Variants in TJP1 observed in about 807,000 individuals in gnomAD.
The protein encoded by TJP1 is tight junction protein 1.
TJP1 carries 43 observed loss-of-function variants against 194.2 expected under a neutral mutation model. The observed-to-expected ratio is 0.22, with a 90% CI of 0.17 to 0.29. TJP1 has a LOEUF of 0.29. Ranked by LOEUF, TJP1 falls within the 10% of genes least tolerant of loss-of-function variation. The pLI, the probability that TJP1 is intolerant of heterozygous loss-of-function variation, is 1.00. For missense variants in TJP1, 1,971 were observed against 2,185.7 expected (o/e 0.90, Z 1.96); for synonymous variants, 801 against 779.0 (o/e 1.03, Z -0.47).
intron 1 of TJP1, among the ~76,000 whole-genome samples, chr15:29,809,677 T>A (rs140301586): frequency 3.7e-4 from 56 of 152,232 alleles, no homozygotes; most frequent in African/African-American, 1.3e-3. Flanking sequence ...AAACCCCGTC[T>A]CTACTAAAAA....
At chr15:29,898,740 ACCT>A (rs751939582) in intron 2 of TJP1, among the ~76,000 whole-genome samples, 38 of 152,216 alleles carry the variant, frequency 2.5e-4, no homozygotes, top group Non-Finnish European at 5.1e-4. Flanking sequence ...CGGATGCTCT[ACCT>A]GTTAGGTATC....
intron 20 of TJP1, 143 bp from the exon 21 acceptor site, chr15:29,719,281 G>A (rs941805963): frequency 9.3e-7 from 1 of 1,081,066 alleles, no homozygotes; most frequent in Non-Finnish European, 1.3e-6. Context: ...GACAAGATTA[G>A]TGGAAAAAGC....
At position 29,761,699 on chromosome 15, in the gene TJP1, T is replaced by C; in HGVS notation, c.764A>G (p.Lys255Arg). The C allele has an allele frequency of 6.2e-7, 1 of 1,609,698 alleles. No homozygotes were observed. The highest frequency in any genetic ancestry group is 2.2e-5 in the East Asian group (1 of 44,754). The change falls in exon 7 of 28, where the codon AAA becomes AGA. Residue 255 changes from lysine (K) to arginine (R), a missense_variant. This residue lies in a region of TJP1 where 245 missense variants were observed against 336.6 expected (regional missense o/e 0.73). Transcript: ENST00000614355. ...ATCTCTTTGAACTACCATTTTTAAT[T>C]TGCCTTTAGACCTTTCTATCAATGT... is the stretch of plus-strand genomic sequence containing the variant. Reference protein sequence around the residue: ...AKTLIERSKGKLKMVVQRDER... With the variant: ...AKTLIERSKGRLKMVVQRDER...
chr15:29,714,955 G>C (rs1566875567), intron 23 of TJP1, among the ~76,000 whole-genome samples: 2 of 152,198 alleles, frequency 1.3e-5, no homozygotes, highest in Non-Finnish European at 1.5e-5. Context: ...GTGTTTAACG[G>C]TGTTTAGTAA....
In TJP1 at chr15:29,766,402, A is replaced by C. The variant is rs762764335; in HGVS notation, c.453T>G (p.Ser151Arg). 3.3e-5 allele frequency: 53 copies of C among 1,613,720 alleles called. No homozygotes were observed. Among genetic ancestry groups the C allele is most frequent in the Non-Finnish European group, 4.2e-5 (49 of 1,179,938 alleles). ...SGRSGVVNRRSEKIWPRDRSA... is the reference protein window; with the variant it reads ...SGRSGVVNRRREKIWPRDRSA... ...TTCTATCCCTCGGCCAAATCTTCTC[A>C]CTCCTTCTGTTAACCACACCACTCC... The change falls in exon 5 of 28, where the codon AGT (serine) becomes AGG (arginine). Residue 151 changes from serine (S) to arginine (R), a missense_variant. Physicochemically the swap from Ser to Arg is moderately radical, Grantham distance 110 (BLOSUM62 -1). This residue lies in a region of TJP1 where 245 missense variants were observed against 336.6 expected (regional missense o/e 0.73). Transcript: ENST00000614355.
intron 8 of TJP1, among the ~76,000 whole-genome samples, chr15:29,753,774 T>C (rs2045455990): frequency 6.7e-6 from 1 of 149,602 alleles, no homozygotes; most frequent in African/African-American, 2.5e-5. Context: ...ATGAATCATA[T>C]CTTTCTAACT....
intron 2 of TJP1, among the ~76,000 whole-genome samples, chr15:29,795,109 T>TA (rs1253418634): frequency 1.3e-5 from 2 of 152,042 alleles, no homozygotes; most frequent in Non-Finnish European, 2.9e-5. Flanking sequence ...ACTTACATGA[T>TA]AAAGACAAAT....
intron 2 of TJP1, among the ~76,000 whole-genome samples, chr15:29,835,436 TG>T (rs914018307): frequency 2.0e-5 from 3 of 152,184 alleles, no homozygotes; most frequent in Non-Finnish European, 4.4e-5. Context: ...GTCTCTGGAT[TG>T]TTTGGAAACA....
At chr15:29,860,775 C>A (rs747217972) in intron 2 of TJP1, among the ~76,000 whole-genome samples, 1 of 152,166 alleles carries the variant, frequency 6.6e-6, no homozygotes. Flanking sequence ...TTTGCAGACA[C>A]TGAGTTTCTT....
chr15:29,725,698 GTTATT>G (rs932198507), intron 18 of TJP1, among the ~76,000 whole-genome samples: 34 of 152,272 alleles, frequency 2.2e-4, no homozygotes, highest in African/African-American at 8.2e-4. Flanking sequence ...ATAGAAAGTA[GTTATT>G]TTAAAGCTGG....
chr15:29,937,391 T>A (rs1194429076), intron 2 of TJP1, among the ~76,000 whole-genome samples: 1 of 152,120 alleles, frequency 6.6e-6, no homozygotes, highest in Non-Finnish European at 1.5e-5. Context: ...AATTATATTT[T>A]AAAATAAAAA....
At chr15:29,771,460 G>A (rs180728267) in intron 4 of TJP1, among the ~76,000 whole-genome samples, 112 of 152,230 alleles carry the variant, frequency 7.4e-4, no homozygotes, top group Admixed American at 3.1e-3. Flanking sequence ...ACATTGTCAT[G>A]TAGCATGTGA....
At chr15:29,843,963 G>A (rs2051319669) in intron 2 of TJP1, among the ~76,000 whole-genome samples, 1 of 152,232 alleles carries the variant, frequency 6.6e-6, no homozygotes, top group African/African-American at 2.4e-5. Flanking sequence ...TCAGTGGGCT[G>A]AAGCAGAGTG....
At position 29,748,607 on chromosome 15, in the gene TJP1, A is replaced by G. The variant is rs1041400831; in HGVS notation, c.1011-5826T>C. 2.7e-5 allele frequency among the ~76,000 whole-genome samples: 3 copies of G among 109,302 alleles called. No homozygotes were observed. The Admixed American group carries it at 4.3e-4, about 16-fold the overall frequency. The allele number at this position is 109,302 out of a possible 152,430, so 71.7% of individuals were successfully genotyped here. A position where few individuals can be genotyped will look rare whatever the true frequency, so the allele number is the denominator to read the frequency against. On this transcript the variant is annotated intron_variant, in intron 8 of 27. Coordinates refer to ENST00000614355, the MANE Select transcript of TJP1 (RefSeq NM_001330239.4). The stretch of plus-strand genomic sequence containing the variant: ...TTTTTTTTTTTGAGTCAGGGTCTCA[A>G]TGTTGCCCTGGCTGGAGTGCAGTGG...
chr15:29,821,986 C>A lies in TJP1; in HGVS notation c.27+16G>T. The A allele has an allele frequency of 7.6e-7, 1 of 1,310,556 alleles. No homozygotes were observed. The allele number at this position is 1,310,556 out of a possible 1,614,324, so 81.2% of individuals were successfully genotyped here. ...GGTCGGCCCGGTCTGGCCCTGGCGGCCGCGGAGGCGCTCACCTTGGCGGCC... is the reference window on the plus strand; with the variant it reads ...GGTCGGCCCGGTCTGGCCCTGGCGGACGCGGAGGCGCTCACCTTGGCGGCC... On this transcript the variant is annotated intron_variant, in intron 1 of 27. Coordinates refer to ENST00000614355, the MANE Select transcript of TJP1 (RefSeq NM_001330239.4).
At chr15:29,800,603 A>G (rs772453224) in intron 2 of TJP1, 43 bp downstream of exon 2, 1 of 1,601,198 alleles carries the variant, frequency 6.2e-7, no homozygotes, top group Non-Finnish European at 8.5e-7. Flanking sequence ...AGCTGCCAGT[A>G]TCCTGAGTTA....
upstream of TJP1, chr15:29,824,103 A>AAT (rs1567107965): frequency 2.9e-4 from 41 of 139,860 alleles, no homozygotes; most frequent in African/African-American, 1.1e-3. Context: ...AAAAAAAAAA[A>AAT]AAAAAAAAAA....
chr15:29,737,480 A>C (rs566422451), intron 10 of TJP1, 66 bp from the exon 11 acceptor site: 24 of 1,540,884 alleles, frequency 1.6e-5, no homozygotes, highest in Admixed American at 3.5e-5. Flanking sequence ...CAATCACTAC[A>C]GTGAAAACTA....
intron 2 of TJP1, among the ~76,000 whole-genome samples, chr15:29,833,881 A>ATATATATATATATATTTT (rs1555434000): frequency 7.9e-5 from 1 of 12,612 alleles, no homozygotes; most frequent in African/African-American, 3.0e-4. Flanking sequence ...ATATATATAT[A>ATATATATATATATATTTT]TTTTTTTTTT....
Sources: gnomAD v4.1 joint callset for allele counts (sites outside exome capture counted in the v4.1 genomes callset) on GRCh38, gnomAD v4.1.1 for gene constraint, gnomAD v4.1.1 regional missense constraint, MANE v1.5 for transcripts, NCBI Gene and HGNC (gene_info 2026-07-23, HGNC 2026-07-21) for gene names.